PLCB1: variants seen among roughly 807,000 people sequenced by gnomAD.
The protein encoded by PLCB1 is 1-phosphatidylinositol 4,5-bisphosphate phosphodiesterase beta-1.
In PLCB1, 46 loss-of-function variants were observed where a neutral mutation model predicts 161.8. The ratio of observed to expected loss-of-function variants is 0.28; its 90% confidence interval spans 0.22 to 0.36. The LOEUF (loss-of-function observed/expected upper bound fraction) is 0.36, where lower values mean the gene tolerates loss of function less well. Among genes scored for constraint, PLCB1 ranks in the 10% least tolerant of loss-of-function variants. PLCB1 has a pLI of 1.00. For synonymous variants in PLCB1, 517 were observed against 503.7 expected (o/e 1.03, Z -0.35); for missense variants, 1,016 against 1,472.5 (o/e 0.69, Z 5.07).
intron 3 of PLCB1, among the ~76,000 whole-genome samples, chr20:8,399,144 T>G (rs1484214239): frequency 6.6e-6 from 1 of 151,234 alleles, no homozygotes; most frequent in African/African-American, 2.4e-5. Context: ...ATCTTGGAGG[T>G]TTTTTTTGTT....
chr20:8,583,280 T>G (rs1000042109), intron 3 of PLCB1, among the ~76,000 whole-genome samples: 2 of 152,158 alleles, frequency 1.3e-5, no homozygotes, highest in African/African-American at 4.8e-5. Context: ...ATGGATACTG[T>G]CAATGATTGT....
intron 3 of PLCB1, among the ~76,000 whole-genome samples, chr20:8,539,551 C>T (rs1985188668): frequency 6.6e-6 from 1 of 152,150 alleles, no homozygotes; most frequent in South Asian, 2.1e-4. Flanking sequence ...TACTGTTATA[C>T]TGTTTTATCC....
At chr20:8,559,229 G>A (rs1287939827) in intron 3 of PLCB1, among the ~76,000 whole-genome samples, 1 of 151,882 alleles carries the variant, frequency 6.6e-6, no homozygotes, top group African/African-American at 2.4e-5. Flanking sequence ...CAAAGTAATT[G>A]TATACTCTTG....
intron 2 of PLCB1, among the ~76,000 whole-genome samples, chr20:8,335,690 C>A (rs1421943599): frequency 1.3e-5 from 2 of 152,180 alleles, no homozygotes; most frequent in East Asian, 3.8e-4. Flanking sequence ...TGTTCTGCTT[C>A]AGGAATGCAT....
At chr20:8,169,595 G>A (rs1568576652) in intron 2 of PLCB1, among the ~76,000 whole-genome samples, 1 of 152,078 alleles carries the variant, frequency 6.6e-6, no homozygotes, top group Non-Finnish European at 1.5e-5. Context: ...CACCCAATTG[G>A]TTGAAACATC....
In PLCB1 at chr20:8,740,341, C is replaced by T; in HGVS notation, c.2309-3C>T. 2 of 1,548,002 alleles carry T rather than the reference C, an allele frequency of 1.3e-6. No homozygotes were observed. The highest frequency in any genetic ancestry group is 1.8e-6 in the Non-Finnish European group (2 of 1,124,266). On this transcript the variant is annotated splice_region_variant and splice_polypyrimidine_tract_variant and intron_variant, in intron 21 of 31. Transcript: ENST00000338037. ...GCTACACAGCATTATTCTCACCTTC[C>T]AGGCTATCACTATATCTGTCTAAGG...
intron 18 of PLCB1, among the ~76,000 whole-genome samples, chr20:8,732,934 G>A (rs908677066): frequency 1.4e-5 from 2 of 147,688 alleles, no homozygotes; most frequent in African/African-American, 2.5e-5. Context: ...TTAATCAAAG[G>A]AATTTGAGAC....
chr20:8,391,820 T>C (rs1230768347), intron 3 of PLCB1, among the ~76,000 whole-genome samples: 10 of 111,860 alleles, frequency 8.9e-5, no homozygotes, highest in Admixed American at 3.8e-4. Flanking sequence ...TATATATATA[T>C]ATATACACAC....
At chr20:8,397,973 T>C (rs1222360358) in intron 3 of PLCB1, among the ~76,000 whole-genome samples, 1 of 152,126 alleles carries the variant, frequency 6.6e-6, no homozygotes, top group Non-Finnish European at 1.5e-5. Flanking sequence ...GATAAATTCC[T>C]AGATTTGTTT....
intron 31 of PLCB1, among the ~76,000 whole-genome samples, chr20:8,874,608 G>A (rs1212702918): frequency 6.6e-6 from 1 of 151,950 alleles, no homozygotes; most frequent in Non-Finnish European, 1.5e-5. Context: ...GTCTTTATGG[G>A]TGAAATGTCA....
intron 3 of PLCB1, among the ~76,000 whole-genome samples, chr20:8,568,341 A>G (rs1392543107): frequency 6.6e-6 from 1 of 152,202 alleles, no homozygotes; most frequent in Non-Finnish European, 1.5e-5. Flanking sequence ...TAAGGGATGA[A>G]TTTAATGAAA....
At chr20:8,589,639 C>CA in intron 3 of PLCB1, among the ~76,000 whole-genome samples, 1 of 108,592 alleles carries the variant, frequency 9.2e-6, no homozygotes, top group South Asian at 3.1e-4. Context: ...TTTTTTGAGA[C>CA]AGAGTCTTGC....
At chr20:8,626,820 A>G (rs1405443082) in intron 3 of PLCB1, among the ~76,000 whole-genome samples, 3 of 152,226 alleles carry the variant, frequency 2.0e-5, no homozygotes, top group African/African-American at 7.2e-5. Flanking sequence ...TGGTGTTCAA[A>G]AACTTTGATG....
At chr20:8,681,191 T>C (rs1320982796) in intron 9 of PLCB1, among the ~76,000 whole-genome samples, 2 of 149,522 alleles carry the variant, frequency 1.3e-5, no homozygotes, top group East Asian at 3.9e-4. Flanking sequence ...AAATAAAACT[T>C]GGATACACAT....
At chr20:8,333,625 T>A (rs1284221895) in intron 2 of PLCB1, among the ~76,000 whole-genome samples, 1 of 152,170 alleles carries the variant, frequency 6.6e-6, no homozygotes, top group African/African-American at 2.4e-5. Context: ...CTTCCTAGAA[T>A]GCACAGGATG....
At chr20:8,796,403 C>A (rs6077424) in intron 31 of PLCB1, among the ~76,000 whole-genome samples, 45,088 of 151,978 alleles carry the variant, frequency 0.3, 7,211 homozygotes, top group African/African-American at 0.42. Context: ...AGGCAAACTT[C>A]GGGATTTAAA....
chr20:8,134,260 G>A (rs552935752), intron 1 of PLCB1, among the ~76,000 whole-genome samples: 2 of 152,278 alleles, frequency 1.3e-5, no homozygotes, highest in East Asian at 3.9e-4. Flanking sequence ...TAAACAAGAC[G>A]GTCTTGCCCA....
chr20:8,841,574 C>T (rs1042374883), intron 31 of PLCB1, among the ~76,000 whole-genome samples: 13 of 152,330 alleles, frequency 8.5e-5, no homozygotes, highest in African/African-American at 2.9e-4. Context: ...TGCCTTCCTA[C>T]CTCTGTCTTT....
At chr20:8,323,843 C>T (rs1006654018) in intron 2 of PLCB1, among the ~76,000 whole-genome samples, 35 of 148,790 alleles carry the variant, frequency 2.4e-4, no homozygotes, top group African/African-American at 7.6e-4. Flanking sequence ...TAACCTAATA[C>T]CATGCTTAGT....
Sources: gnomAD v4.1 joint callset for allele counts (sites outside exome capture counted in the v4.1 genomes callset) on GRCh38, gnomAD v4.1.1 for gene constraint, MANE v1.5 for transcripts, NCBI Gene and HGNC (gene_info 2026-07-23, HGNC 2026-07-21) for gene names.